DHTKD1: variants seen among roughly 807,000 people sequenced by gnomAD.
DHTKD1 encodes the protein dehydrogenase E1 and transketolase domain containing 1, also known as 2-oxoadipate dehydrogenase complex component E1.
In DHTKD1, 78 loss-of-function variants were observed where a neutral mutation model predicts 101.8. The ratio of observed to expected loss-of-function variants is 0.77; its 90% CI spans 0.64 to 0.93. The LOEUF is 0.93. Ranked by LOEUF, DHTKD1 falls within the 40% of genes least tolerant of loss-of-function variation. DHTKD1 has a pLI of 0.00. For synonymous variants in DHTKD1, 462 were observed against 450.3 expected (o/e 1.03, Z -0.33); for missense variants, 1,223 against 1,161.7 (o/e 1.05, Z -0.77).
intron 1 of DHTKD1, among the ~76,000 whole-genome samples, chr10:12,071,036 G>A (rs534284421): frequency 2.6e-5 from 4 of 152,308 alleles, no homozygotes; most frequent in African/African-American, 9.6e-5. Context: ...GGAAATACCT[G>A]TGTCCTTGGT....
intron 12 of DHTKD1, among the ~76,000 whole-genome samples, chr10:12,111,917 C>G: frequency 6.6e-6 from 1 of 152,132 alleles, no homozygotes; most frequent in Non-Finnish European, 1.5e-5. Context: ...TTGTCTCCAG[C>G]TACTTTCTCT....
At chr10:12,115,376 T>C (rs1266762230) in intron 13 of DHTKD1, among the ~76,000 whole-genome samples, 2 of 152,150 alleles carry the variant, frequency 1.3e-5, no homozygotes, top group African/African-American at 4.8e-5. Flanking sequence ...GGATTATAGG[T>C]GTGAGCCACT....
Position 12,087,405 on chromosome 10 carries a change from T to C in DHTKD1, c.523-130T>C. 1.5e-6 allele frequency: 1 copy of C among 678,356 alleles called. No individual in the cohort carries two copies. The highest frequency in any genetic ancestry group is 2.0e-5 in the South Asian group (1 of 50,002). The allele number at this position is 678,356 out of a possible 1,614,324, so 42.0% of individuals were successfully genotyped here. On this transcript the variant is annotated intron_variant, in intron 3 of 16. Transcript: ENST00000263035. The surrounding 1 kb of genome is among the most constrained non-coding windows in gnomAD (Gnocchi z 5.2). ...GTGTTATGTCTCTCTCCGGGATATGTAGTAAAGTGGCATTGCTGTGGCCAC... is the reference window on the plus strand; with the variant it reads ...GTGTTATGTCTCTCTCCGGGATATGCAGTAAAGTGGCATTGCTGTGGCCAC...
At chr10:12,096,457 C>G (rs1379509385) in intron 7 of DHTKD1, among the ~76,000 whole-genome samples, 2 of 152,136 alleles carry the variant, frequency 1.3e-5, no homozygotes, top group Non-Finnish European at 2.9e-5. Context: ...ATGATCACGG[C>G]TCACTGTAGC....
Position 12,106,545 on chromosome 10 carries a change from C to A in DHTKD1, c.2047+149C>A, listed in dbSNP as rs546466169. On this transcript the variant is annotated intron_variant, in intron 11 of 16. Coordinates refer to ENST00000263035, the MANE Select transcript of DHTKD1 (RefSeq NM_018706.7). ...GGGAGTTGGGGTCACCCTGTTATGA[C>A]GGGAGTGTGGCCACTGTCAGGTTAA... 1.1e-5 allele frequency: 11 copies of A among 993,754 alleles called. No individual in the cohort carries two copies. The East Asian group carries it at 2.4e-4, about 22-fold the overall frequency. 61.6% of individuals were successfully genotyped at this position (993,754 alleles called of 1,614,324 possible).
intron 14 of DHTKD1, among the ~76,000 whole-genome samples, chr10:12,118,432 G>A (rs1221632248): frequency 6.7e-6 from 1 of 150,260 alleles, no homozygotes; most frequent in African/African-American, 2.5e-5. Context: ...GCCCAGGCTG[G>A]AGTGCAGTGG....
At chr10:12,120,492 C>G in intron 16 of DHTKD1, 1 of 517,924 alleles carries the variant, frequency 1.9e-6, no homozygotes, top group African/African-American at 1.9e-5. Context: ...CGCCACCACA[C>G]CCAGCTAAAT....
At position 12,090,389 on chromosome 10, in the gene DHTKD1, T is replaced by C. The variant is rs144270796; in HGVS notation, c.988-1124T>C. Reference sequence around the variant, plus strand: ...CCTCCCTTCCTTCCTTCCTTCCTTTTTTCCTTCCTTCCTTCCTTTTTTCCT... The same window carrying C: ...CCTCCCTTCCTTCCTTCCTTCCTTTCTTCCTTCCTTCCTTCCTTTTTTCCT... On this transcript the variant is annotated intron_variant, in intron 5 of 16. Transcript: ENST00000263035. Among the ~76,000 whole-genome samples the C allele has an allele frequency of 4.7e-5, 5 of 105,818 alleles. No individual in the cohort carries two copies. In the South Asian group the frequency reaches 1.5e-3, roughly 32 times the overall value. 69.4% of individuals were successfully genotyped at this position (105,818 alleles called of 152,430 possible).
Position 12,107,876 on chromosome 10 carries a change from A to C in DHTKD1, c.2048-33A>C. On this transcript the variant is annotated intron_variant, in intron 11 of 16. Coordinates refer to ENST00000263035, the MANE Select transcript of DHTKD1 (RefSeq NM_018706.7). The surrounding 1 kb of genome is among the most constrained non-coding windows in gnomAD (Gnocchi z 4.1). Reference sequence around the variant, plus strand: ...TCAGGCCACTTTGTCCCCGCTTCGTAGAGCTCTTACTCCCCACGTGGTACT... The same window carrying C: ...TCAGGCCACTTTGTCCCCGCTTCGTCGAGCTCTTACTCCCCACGTGGTACT... The C allele has an allele frequency of 1.6e-5, 23 of 1,448,428 alleles. No homozygotes were observed. The highest frequency in any genetic ancestry group is 2.1e-5 in the Non-Finnish European group (22 of 1,032,166). The allele number at this position is 1,448,428 out of a possible 1,614,324, so 89.7% of individuals were successfully genotyped here.
Position 12,107,937 on chromosome 10 carries a change from C to T in DHTKD1, c.2076C>T (p.Gly692=). The change falls in exon 12 of 17, where the codon GGC becomes GGT. Residue 692 remains glycine (G), a synonymous_variant. Transcript: ENST00000263035. This position sits in a 1 kb window ranked among gnomAD's most constrained non-coding sequence, Gnocchi z 4.1. ...GGEAKWLLQS[G]IVILLPHGYD... is the part of the protein sequence containing the mutation. ...AGGCCAAGTGGCTCCTACAAAGCGG[C>T]ATCGTCATCCTCCTTCCACATGGCT... 6.2e-7 allele frequency: 1 copy of T among 1,613,932 alleles called. No individual in the cohort carries two copies. The highest frequency in any genetic ancestry group is 1.1e-5 in the South Asian group (1 of 91,070).
chr10:12,120,505 T>C (rs1833510053), intron 16 of DHTKD1: 2 of 515,068 alleles, frequency 3.9e-6, no homozygotes, highest in East Asian at 3.5e-5. Flanking sequence ...AGCTAAATTT[T>C]TTTTGTATTT....
chr10:12,117,680 T>C lies in DHTKD1; in HGVS notation c.2327T>C (p.Val776Ala). Residue 776 changes from valine to alanine, a missense_variant, in exon 14 of 17, where the codon GTG becomes GCG. Coordinates refer to ENST00000263035, the MANE Select transcript of DHTKD1 (RefSeq NM_018706.7). ...GCCTCTTCTCCCTCGTAGGCAGCCG[T>C]GTCAACTCTTCAAGAAATGGCACCA... ...PKMLLRLPAAVSTLQEMAPGT... is the reference protein window; with the variant it reads ...PKMLLRLPAAASTLQEMAPGT... The C allele has an allele frequency of 6.3e-7, 1 of 1,597,776 alleles. No individual in the cohort carries two copies. Among genetic ancestry groups the C allele is most frequent in the Non-Finnish European group, 8.6e-7 (1 of 1,169,038 alleles).
At position 12,121,967 on chromosome 10, in the gene DHTKD1, C is replaced by G. The variant is rs1167609052; in HGVS notation, c.*1079C>G. 3 of 152,242 alleles carry G rather than the reference C, an allele frequency of 2.0e-5. No individual in the cohort carries two copies. Among genetic ancestry groups the G allele is most frequent in the Admixed American group, 6.5e-5 (1 of 15,272 alleles). The allele number at this position is 152,242 out of a possible 1,614,324, so 9.4% of individuals were successfully genotyped here. A position where few individuals can be genotyped will look rare whatever the true frequency, so the allele number is the denominator to read the frequency against. ...TGTCACTTTCATTAATTTTCCCCCTCCTTTTTGAAAGTCCTGTGGCAGTAC... is the reference window on the plus strand; with the variant it reads ...TGTCACTTTCATTAATTTTCCCCCTGCTTTTTGAAAGTCCTGTGGCAGTAC... On this transcript the variant is annotated 3_prime_UTR_variant, in exon 17 of 17. Transcript: ENST00000263035.
intron 3 of DHTKD1, among the ~76,000 whole-genome samples, chr10:12,084,999 C>T (rs544820248): frequency 6.6e-6 from 1 of 151,630 alleles, no homozygotes; most frequent in Non-Finnish European, 1.5e-5. Context: ...TGCAGTGAGC[C>T]GAGATTGCGC....
chr10:12,081,825 G>A (rs563057064), intron 2 of DHTKD1, among the ~76,000 whole-genome samples, 198 bp downstream of exon 2: 42 of 152,124 alleles, frequency 2.8e-4, no homozygotes, highest in Admixed American at 1.9e-3. Context: ...GTTTTCTCAA[G>A]GTTCAAAAAC....
chr10:12,084,661 C>A lies in DHTKD1; in HGVS notation c.432C>A (p.Asp144Glu), dbSNP rs555471579. ...TSQLQSQDEK[D>E]WFAKRFEELQ... ...AACTTCAGAGCCAGGATGAGAAAGA[C>A]TGGTTTGCCAAGCGGTTTGAGGAAC... is the stretch of plus-strand genomic sequence containing the variant. The change falls in exon 3 of 17, where the codon GAC becomes GAA. Residue 144 changes from aspartate to glutamate, a missense_variant. Transcript: ENST00000263035. 1.2e-5 allele frequency: 19 copies of A among 1,614,130 alleles called. No homozygotes were observed. The South Asian group carries it at 2.0e-4, about 17-fold the overall frequency.
chr10:12,097,639 TG>T, intron 7 of DHTKD1, 44 bp from the exon 8 acceptor site: 1 of 1,525,514 alleles, frequency 6.6e-7, no homozygotes, highest in Non-Finnish European at 8.9e-7. Flanking sequence ...TCTATTAGAT[TG>T]TTACAGGTCA....
chr10:12,106,477 G>A lies in DHTKD1; in HGVS notation c.2047+81G>A. 10 of 1,558,370 alleles carry A rather than the reference G, an allele frequency of 6.4e-6. No homozygotes were observed. In the South Asian group the frequency reaches 1.0e-4, roughly 16 times the overall value. ...TCGTGGGGACAAATGAATGAAAAGGGGCCACTGCTGCCTTGAGACTCCCGT... is the reference window on the plus strand; with the variant it reads ...TCGTGGGGACAAATGAATGAAAAGGAGCCACTGCTGCCTTGAGACTCCCGT... On this transcript the variant is annotated intron_variant, in intron 11 of 16. Transcript: ENST00000263035.
chr10:12,109,677 T>A (rs1833299826), intron 12 of DHTKD1, among the ~76,000 whole-genome samples: 1 of 151,162 alleles, frequency 6.6e-6, no homozygotes, highest in South Asian at 2.1e-4. Context: ...GAAGAGGGAG[T>A]GTCAGTGTCA....
Sources: gnomAD v4.1 joint callset for allele counts (sites outside exome capture counted in the v4.1 genomes callset) on GRCh38, gnomAD v4.1.1 for gene constraint, Gnocchi (gnomAD v3.1) non-coding constraint, MANE v1.5 for transcripts, NCBI Gene and HGNC (gene_info 2026-07-23, HGNC 2026-07-21) for gene names.